Variants in KCNG2 observed in about 807,000 individuals in gnomAD.
The protein encoded by KCNG2 is potassium voltage-gated channel modifier subfamily G member 2.
KCNG2 carries 7 observed loss-of-function variants against 12.3 expected under a neutral mutation model. That is an observed-to-expected ratio of 0.57 (90% CI 0.32 to 1.07). The LOEUF is 1.07. Ranked by LOEUF, KCNG2 falls within the 50% of genes least tolerant of loss-of-function variation. The probability of loss-of-function intolerance (pLI) is 0.04; values close to 1 mark genes in which losing one functional copy is unlikely to be tolerated. For synonymous variants in KCNG2, 414 were observed against 351.4 expected (o/e 1.18, Z -1.99); for missense variants, 703 against 726.0 (o/e 0.97, Z 0.36).
chr18:79,834,416 CA>C (rs2123029232), intron 1 of KCNG2, among the ~76,000 whole-genome samples: 1 of 152,282 alleles, frequency 6.6e-6, no homozygotes, highest in African/African-American at 2.4e-5. Flanking sequence ...ATTTCCGGTA[CA>C]AGGCCTCAGG....
intron 3 of KCNG2, among the ~76,000 whole-genome samples, chr18:79,897,876 T>C (rs1701120448): frequency 6.6e-6 from 1 of 152,072 alleles, no homozygotes; most frequent in African/African-American, 2.4e-5. Flanking sequence ...ACCTCTTCTC[T>C]GTCTCACTGA....
chr18:79,855,081 GTTT>G (rs796520689), intron 1 of KCNG2, among the ~76,000 whole-genome samples: 1 of 151,398 alleles, frequency 6.6e-6, no homozygotes, highest in Non-Finnish European at 1.5e-5. Flanking sequence ...TTTCCCTAGT[GTTT>G]TTAATTCCTT....
At chr18:79,880,539 A>C (rs1347642013) in intron 3 of KCNG2, among the ~76,000 whole-genome samples, 2 of 152,136 alleles carry the variant, frequency 1.3e-5, no homozygotes, top group Non-Finnish European at 2.9e-5. Flanking sequence ...AATAAATAAC[A>C]CCAATTCTAC....
intron 1 of KCNG2, among the ~76,000 whole-genome samples, chr18:79,851,359 A>G (rs1057218302): frequency 6.6e-6 from 1 of 152,212 alleles, no homozygotes; most frequent in East Asian, 1.9e-4. Flanking sequence ...AACGTTATCA[A>G]TCTGTTCCCG....
intron 1 of KCNG2, among the ~76,000 whole-genome samples, chr18:79,832,071 C>T (rs1978299072): frequency 6.6e-6 from 1 of 152,160 alleles, no homozygotes; most frequent in Non-Finnish European, 1.5e-5. Context: ...CTGTGGCTTC[C>T]CCACACTCAC....
intron 1 of KCNG2, among the ~76,000 whole-genome samples, chr18:79,799,664 T>C (rs2087392156): frequency 1.3e-5 from 2 of 152,196 alleles, no homozygotes; most frequent in African/African-American, 4.8e-5. Context: ...ATTTCGATAA[T>C]TTAAGGGAAA....
At chr18:79,892,007 C>T (rs1305474820) in intron 3 of KCNG2, among the ~76,000 whole-genome samples, 2 of 151,704 alleles carry the variant, frequency 1.3e-5, no homozygotes, top group African/African-American at 4.8e-5. Context: ...CCCAGCTACT[C>T]AGGAGGCTGA....
intron 3 of KCNG2, among the ~76,000 whole-genome samples, chr18:79,875,432 A>G (rs1980029745): frequency 6.6e-6 from 1 of 152,120 alleles, no homozygotes; most frequent in Admixed American, 6.5e-5. Context: ...GAACCTCCAC[A>G]TACAAAGAGA....
chr18:79,844,720 G>C (rs4798918), intron 1 of KCNG2, among the ~76,000 whole-genome samples: 137,852 of 152,242 alleles, frequency 0.91, 64,051 homozygotes, highest in East Asian at 1. Flanking sequence ...ACACAGCTAT[G>C]AGAATGCCTA....
intron 3 of KCNG2, among the ~76,000 whole-genome samples, chr18:79,873,430 C>T (rs955571883): frequency 7.0e-6 from 1 of 143,450 alleles, no homozygotes; most frequent in Non-Finnish European, 1.6e-5. Flanking sequence ...CCCCCCTCCC[C>T]CCCCCCCAGC....
chr18:79,894,828 G>A (rs1980898685), intron 3 of KCNG2, among the ~76,000 whole-genome samples: 1 of 150,670 alleles, frequency 6.6e-6, no homozygotes, highest in Non-Finnish European at 1.5e-5. Flanking sequence ...TGATATAGTG[G>A]GGTCTGTGTA....
chr18:79,885,557 C>A (rs968305112), intron 3 of KCNG2, among the ~76,000 whole-genome samples: 1 of 152,316 alleles, frequency 6.6e-6, no homozygotes, highest in African/African-American at 2.4e-5. Context: ...TCAGCCCGGG[C>A]GCTCCTGCCC....
At chr18:79,804,641 G>A (rs527979794) in intron 1 of KCNG2, among the ~76,000 whole-genome samples, 2 of 152,270 alleles carry the variant, frequency 1.3e-5, no homozygotes, top group South Asian at 4.2e-4. Context: ...CGTGGTTGTC[G>A]GCCTCTGAAG....
chr18:79,829,021 CTG>C (rs1167841302), intron 1 of KCNG2, among the ~76,000 whole-genome samples: 1 of 82,656 alleles, frequency 1.2e-5, no homozygotes, highest in African/African-American at 4.1e-5. Context: ...GTGCATGTGT[CTG>C]TGTGTGGGTG....
chr18:79,835,536 G>A (rs1167662626), intron 1 of KCNG2, among the ~76,000 whole-genome samples: 2 of 152,190 alleles, frequency 1.3e-5, no homozygotes, highest in Non-Finnish European at 2.9e-5. Flanking sequence ...AAATGGAATG[G>A]GAAACTCAAT....
intron 1 of KCNG2, among the ~76,000 whole-genome samples, chr18:79,853,172 G>A (rs962582896): frequency 5.3e-5 from 8 of 152,352 alleles, no homozygotes; most frequent in Admixed American, 3.9e-4. Flanking sequence ...GCATGTCCTC[G>A]AGACGTTTAC....
rs1483857804 is a variant in KCNG2, at chr18:79,864,163, G to C, written c.496G>C (p.Val166Leu). ...GCGCGGCCGGCGGCGCCTGCGCGAC[G>C]TGGTGGACAACCCGCACTCGGGGCT... ...LQRGRRRLRD[V>L]VDNPHSGLAG... is the part of the protein sequence containing the mutation. Residue 166 changes from valine (V) to leucine (L), a missense_variant, in exon 3 of 4, where the codon GTG becomes CTG. Coordinates refer to ENST00000316249, the MANE Select transcript of KCNG2 (RefSeq NM_012283.2). 2.0e-6 allele frequency: 3 copies of C among 1,491,740 alleles called. No homozygotes were observed. In the South Asian group the frequency reaches 3.6e-5, roughly 18 times the overall value. 92.4% of individuals were successfully genotyped at this position (1,491,740 alleles called of 1,614,324 possible). A position where few individuals can be genotyped will look rare whatever the true frequency, so the allele number is the denominator to read the frequency against.
intron 3 of KCNG2, among the ~76,000 whole-genome samples, chr18:79,872,959 G>A (rs1236593469): frequency 6.6e-6 from 1 of 152,170 alleles, no homozygotes; most frequent in Non-Finnish European, 1.5e-5. Flanking sequence ...CGCCCCTCCG[G>A]GAGCCGGCGT....
At chr18:79,859,810 T>G (rs943905144) in intron 2 of KCNG2, among the ~76,000 whole-genome samples, 3 of 152,226 alleles carry the variant, frequency 2.0e-5, no homozygotes, top group Non-Finnish European at 4.4e-5. Context: ...GACTTTCAAT[T>G]CTGCTCCATT....
Sources: allele counts gnomAD v4.1 joint callset (sites outside exome capture counted in the v4.1 genomes callset), GRCh38; gene constraint gnomAD v4.1.1; transcripts MANE v1.5; gene names NCBI Gene and HGNC (gene_info 2026-07-23, HGNC 2026-07-21).